Variants in ASPG observed in about 807,000 individuals in gnomAD.
ASPG encodes the protein asparaginase.
ASPG carries 53 observed loss-of-function variants against 63.2 expected under a neutral mutation model. The observed-to-expected ratio is 0.84, with a 90% CI of 0.67 to 1.05. The LOEUF (loss-of-function observed/expected upper bound fraction) is 1.05. ASPG is among the 50% of genes least tolerant of loss of function. The probability of loss-of-function intolerance (pLI) is 0.00; values close to 1 mark genes in which losing one functional copy is unlikely to be tolerated. For synonymous variants in ASPG, 370 were observed against 355.0 expected, an observed-to-expected ratio of 1.04 and a Z score of -0.48; for missense variants, 741 against 794.4, an observed-to-expected ratio of 0.93 and a Z score of 0.81.
Position 104,112,682 on chromosome 14 carries a change from C to T in ASPG, c.*138C>T, listed in dbSNP as rs575897012. On this transcript the variant is annotated 3_prime_UTR_variant, in exon 16 of 16. Transcript: ENST00000551177. ...GCCTGAAGGCCTTTGTTGGGCAGGA[C>T]GGCAATAAAGTCTCTGACATCCCCT... The T allele has an allele frequency of 1.2e-5, 19 of 1,528,910 alleles. No individual in the cohort carries two copies. The highest frequency in any genetic ancestry group is 3.9e-5 in the Admixed American group (2 of 50,764). 94.7% of individuals were successfully genotyped at this position (1,528,910 alleles called of 1,614,324 possible).
chr14:104,114,610 G>GCAGGGCCGA lies in ASPG; in HGVS notation c.*2066_*2067insCAGGGCCGA, dbSNP rs1261738871. The GCAGGGCCGA allele has an allele frequency of 2.2e-4, 34 of 152,306 alleles. No homozygotes were observed. Among genetic ancestry groups the GCAGGGCCGA allele is most frequent in the Admixed American group, 2.2e-3 (34 of 15,288 alleles). The allele number at this position is 152,306 out of a possible 1,614,324, so 9.4% of individuals were successfully genotyped here. ...GACTCCTCTAGAATCACCCAGAAGTGGCAGGAGGTGCAGGGCCACTGCTCG... is the reference window on the plus strand; with the variant it reads ...GACTCCTCTAGAATCACCCAGAAGTGCAGGGCCGAGCAGGAGGTGCAGGGCCACTGCTCG... On this transcript the variant is annotated 3_prime_UTR_variant, in exon 16 of 16. Transcript: ENST00000551177.
At position 104,085,749 on chromosome 14, in the gene ASPG, C is replaced by T; in HGVS notation, c.-22C>T. On this transcript the variant is annotated 5_prime_UTR_variant, in exon 1 of 16. Transcript: ENST00000551177. Reference sequence around the variant, plus strand: ...CGTCCCCGCTGCACACCCCCGTCCACTCCCGTGGTCCCCGGTCCGGCATGG... The same window carrying T: ...CGTCCCCGCTGCACACCCCCGTCCATTCCCGTGGTCCCCGGTCCGGCATGG... 3.2e-6 allele frequency: 5 copies of T among 1,565,706 alleles called. No individual in the cohort carries two copies. Among genetic ancestry groups the T allele is most frequent in the South Asian group, 1.2e-5 (1 of 86,152 alleles).
chr14:104,105,077 T>C, intron 9 of ASPG: 1 of 607,558 alleles, frequency 1.6e-6, no homozygotes, highest in Non-Finnish European at 2.9e-6. Flanking sequence ...CCCAGACCCT[T>C]GGGTTGCCAG....
Position 104,109,129 on chromosome 14 carries a change from C to T in ASPG, c.1434-100C>T, listed in dbSNP as rs1771012. On this transcript the variant is annotated intron_variant, in intron 12 of 15. Transcript: ENST00000551177. The surrounding 1 kb of genome is among the most constrained non-coding windows in gnomAD (Gnocchi z 4.8). ...GTGGGGTCTTGGGCCGGCCGGTCCC[C>T]GTCCCTGTGCACAGGACATGAGCTC... is the stretch of plus-strand genomic sequence containing the variant. The T allele has an allele frequency of 0.99, 1,534,275 of 1,544,834 alleles. 762,517 individuals carry two copies. Among genetic ancestry groups the T allele is most frequent in the East Asian group, 1 (41,499 of 41,500 alleles).
Position 104,109,130 on chromosome 14 carries a change from G to A in ASPG, c.1434-99G>A, listed in dbSNP as rs1335403738. The A allele has an allele frequency of 7.1e-6, 11 of 1,549,076 alleles. No homozygotes were observed. The African/African-American group carries it at 9.5e-5, about 13-fold the overall frequency. On this transcript the variant is annotated intron_variant, in intron 12 of 15. Transcript: ENST00000551177. This position sits in a 1 kb window ranked among gnomAD's most constrained non-coding sequence, Gnocchi z 4.8. Reference sequence around the variant, plus strand: ...TGGGGTCTTGGGCCGGCCGGTCCCCGTCCCTGTGCACAGGACATGAGCTCT... The same window carrying A: ...TGGGGTCTTGGGCCGGCCGGTCCCCATCCCTGTGCACAGGACATGAGCTCT...
intron 3 of ASPG, among the ~76,000 whole-genome samples, chr14:104,094,523 C>T (rs2140991834): frequency 6.6e-6 from 1 of 152,200 alleles, no homozygotes; most frequent in East Asian, 1.9e-4. Context: ...GGAGCTGCCT[C>T]CCCTAGTAGG....
rs1490928914 is a variant in ASPG, at chr14:104,095,563, C to T, written c.336C>T (p.Val112=). ...RHYEQYHGFV[V]IHGTDTMAFA... is the part of the protein sequence containing the mutation. ...ACGAGCAGTACCACGGCTTTGTGGT[C>T]ATCCACGGCACCGACACCATGGCCT... The change falls in exon 4 of 16, where the codon GTC becomes GTT. Residue 112 remains valine, a synonymous_variant. Coordinates refer to ENST00000551177, the MANE Select transcript of ASPG (RefSeq NM_001080464.3). 6.2e-7 allele frequency: 1 copy of T among 1,613,198 alleles called. No individual in the cohort carries two copies. The highest frequency in any genetic ancestry group is 8.5e-7 in the Non-Finnish European group (1 of 1,179,828).
At chr14:104,093,778 C>T (rs1379750772) in intron 3 of ASPG, among the ~76,000 whole-genome samples, 176 bp downstream of exon 3, 4 of 19,204 alleles carry the variant, frequency 2.1e-4, no homozygotes, top group Non-Finnish European at 4.2e-4. Context: ...GGAGTGTGGG[C>T]GGGGCTGTGG....
rs763591061 is a variant in ASPG, at chr14:104,085,739, C to T, written c.-32C>T. On this transcript the variant is annotated 5_prime_UTR_variant, in exon 1 of 16. Transcript: ENST00000551177. Reference sequence around the variant, plus strand: ...GCAGGCCCTGCGTCCCCGCTGCACACCCCCGTCCACTCCCGTGGTCCCCGG... The same window carrying T: ...GCAGGCCCTGCGTCCCCGCTGCACATCCCCGTCCACTCCCGTGGTCCCCGG... 2 of 1,549,798 alleles carry T rather than the reference C, an allele frequency of 1.3e-6. No individual in the cohort carries two copies. Among genetic ancestry groups the T allele is most frequent in the South Asian group, 2.4e-5 (2 of 84,360 alleles).
At chr14:104,089,239 G>A (rs1018258295) in intron 1 of ASPG, among the ~76,000 whole-genome samples, 13 of 152,286 alleles carry the variant, frequency 8.5e-5, no homozygotes, top group African/African-American at 3.1e-4. Context: ...CTGACTGGGC[G>A]CGGTGGCTCA....
chr14:104,085,790 C>T lies in ASPG; in HGVS notation c.20C>T (p.Pro7Leu), dbSNP rs775900906. ...TCCGGCATGGCGCGCGCGGTGGGGC[C>T]CGAGCGGAGGCTGCTGGCCGTCTAC... MARAVG[P>L]ERRLLAVYTG... is the part of the protein sequence containing the mutation. Residue 7 changes from proline to leucine, a missense_variant, in exon 1 of 16, where the codon CCC becomes CTC. By Grantham distance (98) the Pro-to-Leu change is moderately conservative (BLOSUM62 -3). Transcript: ENST00000551177. The T allele has an allele frequency of 1.3e-6, 2 of 1,588,304 alleles. No individual in the cohort carries two copies. Among genetic ancestry groups the T allele is most frequent in the East Asian group, 4.7e-5 (2 of 42,932 alleles).
rs28406755 is a variant in ASPG at position 104,088,103 on chromosome 14, C to T, written c.82+2251C>T. Among the ~76,000 whole-genome samples the T allele has an allele frequency of 3.9e-5, 6 of 152,314 alleles. No homozygotes were observed. The East Asian group carries it at 9.6e-4, about 24-fold the overall frequency. On this transcript the variant is annotated intron_variant, in intron 1 of 15. Transcript: ENST00000551177. ...GCAGGAATGGGCTCCCCCAACCCCT[C>T]GTGAGGTTGGAGCAGCCAGACTGTC... is the stretch of plus-strand genomic sequence containing the variant.
chr14:104,099,078 G>A, intron 6 of ASPG, 99 bp downstream of exon 6: 1 of 1,484,666 alleles, frequency 6.7e-7, no homozygotes. Context: ...CAGAGTTTGA[G>A]AGCACCATGC....
At chr14:104,106,972 C>G (rs2037160057) in intron 11 of ASPG, 78 bp downstream of exon 11, 3 of 1,426,582 alleles carry the variant, frequency 2.1e-6, no homozygotes, top group Non-Finnish European at 2.9e-6. Context: ...GCAGGACGGC[C>G]TTTCATCCAC....
chr14:104,111,842 A>T, intron 14 of ASPG, 78 bp from the exon 15 acceptor site: 1 of 1,416,568 alleles, frequency 7.1e-7, no homozygotes, highest in Non-Finnish European at 9.7e-7. Flanking sequence ...AGGGGAGGGC[A>T]TCCTGGGGAT....
At chr14:104,089,339 C>A (rs1454598709) in intron 1 of ASPG, among the ~76,000 whole-genome samples, 2 of 151,666 alleles carry the variant, frequency 1.3e-5, no homozygotes, top group Admixed American at 6.6e-5. Context: ...CATGGTGAAA[C>A]CCTGTCTCTA....
Position 104,110,668 on chromosome 14 carries a change from G to C in ASPG, c.1521-834G>C, listed in dbSNP as rs2037346420. 3 of 985,388 alleles carry C rather than the reference G, an allele frequency of 3.0e-6. No homozygotes were observed. The African/African-American group carries it at 5.2e-5, about 17-fold the overall frequency. The allele number at this position is 985,388 out of a possible 1,614,324, so 61.0% of individuals were successfully genotyped here. ...AGAGATTACCCAGTGCCACTGCAGG[G>C]CTGCTGCTGTTTCCTGGGTAGGCGC... On this transcript the variant is annotated intron_variant, in intron 13 of 15. Coordinates refer to ENST00000551177, the MANE Select transcript of ASPG (RefSeq NM_001080464.3). This position sits in a 1 kb window ranked among gnomAD's most constrained non-coding sequence, Gnocchi z 4.7.
chr14:104,100,998 C>T (rs540661936), intron 6 of ASPG, among the ~76,000 whole-genome samples: 3 of 152,206 alleles, frequency 2.0e-5, no homozygotes, highest in Non-Finnish European at 4.4e-5. Context: ...CCAGGGACTC[C>T]GCCAGCACCG....
chr14:104,108,023 G>A (rs565053896), intron 12 of ASPG, among the ~76,000 whole-genome samples: 2 of 152,150 alleles, frequency 1.3e-5, no homozygotes, highest in Non-Finnish European at 2.9e-5. Flanking sequence ...TTTCGGGGAG[G>A]GAGTGCTCAG....
Sources: gnomAD v4.1 joint callset for allele counts (sites outside exome capture counted in the v4.1 genomes callset) on GRCh38, gnomAD v4.1.1 for gene constraint, Gnocchi (gnomAD v3.1) non-coding constraint, MANE v1.5 for transcripts, NCBI Gene and HGNC (gene_info 2026-07-23, HGNC 2026-07-21) for gene names.